Variants in FSTL5 observed in about 807,000 individuals in gnomAD.
The protein encoded by FSTL5 is follistatin-related protein 5.
FSTL5 carries 62 observed loss-of-function variants against 89.1 expected under a neutral mutation model. The ratio of observed to expected loss-of-function variants is 0.70; its 90% CI spans 0.57 to 0.86. The LOEUF is 0.86. Ranked by LOEUF, FSTL5 falls within the 40% of genes least tolerant of loss-of-function variation. The pLI is 0.00. For synonymous variants in FSTL5, 383 were observed against 346.2 expected (o/e 1.11, Z -1.18); for missense variants, 1,057 against 1,001.6 (o/e 1.06, Z -0.75).
intron 2 of FSTL5, among the ~76,000 whole-genome samples, chr4:162,070,233 T>G (rs13145343): frequency 0.24 from 36,446 of 151,772 alleles, 5,094 homozygotes; most frequent in Non-Finnish European, 0.32. Flanking sequence ...TGTTAGATGT[T>G]GCATTGAGTT....
At chr4:161,586,445 T>C (rs1323051944) in intron 8 of FSTL5, among the ~76,000 whole-genome samples, 2 of 152,170 alleles carry the variant, frequency 1.3e-5, no homozygotes, top group Non-Finnish European at 2.9e-5. Context: ...TTCCTTAGCA[T>C]CATTTTTTAA....
intron 1 of FSTL5, among the ~76,000 whole-genome samples, chr4:162,131,503 C>T (rs1177906561): frequency 2.6e-5 from 4 of 152,162 alleles, no homozygotes; most frequent in Non-Finnish European, 1.5e-5. Context: ...TTTCAAATTG[C>T]ATTCACGTTC....
At chr4:161,611,198 G>A (rs1228343155) in intron 7 of FSTL5, among the ~76,000 whole-genome samples, 1 of 138,948 alleles carries the variant, frequency 7.2e-6, no homozygotes. Flanking sequence ...GTGTATATGT[G>A]TATATATATG....
At chr4:161,435,026 A>C (rs901487795) in intron 15 of FSTL5, among the ~76,000 whole-genome samples, 2 of 152,128 alleles carry the variant, frequency 1.3e-5, no homozygotes, top group African/African-American at 4.8e-5. Context: ...TCCCTCAAGA[A>C]AACTAAAAGT....
chr4:161,519,738 C>A (rs976241429), intron 10 of FSTL5, among the ~76,000 whole-genome samples: 1 of 152,046 alleles, frequency 6.6e-6, no homozygotes, highest in Non-Finnish European at 1.5e-5. Context: ...TAAACAGTGA[C>A]ATAATTAAAT....
chr4:161,903,546 A>G (rs948527721), intron 4 of FSTL5, among the ~76,000 whole-genome samples: 9 of 151,974 alleles, frequency 5.9e-5, no homozygotes, highest in South Asian at 2.1e-4. Flanking sequence ...TTTTAAAACT[A>G]TTATAGTCTC....
At position 161,871,349 on chromosome 4, in the gene FSTL5, G is replaced by A. The variant is rs146471395; in HGVS notation, c.409+49055C>T. ...CATACTTAAAATTTTCAAGATTAGAGATAGTTTTTGAGTCTGTTTTGTAGA... is the reference window on the plus strand; with the variant it reads ...CATACTTAAAATTTTCAAGATTAGAAATAGTTTTTGAGTCTGTTTTGTAGA... On this transcript the variant is annotated intron_variant, in intron 4 of 15. Coordinates refer to ENST00000306100, the MANE Select transcript of FSTL5 (RefSeq NM_020116.5). Among the ~76,000 whole-genome samples the A allele has an allele frequency of 5.1e-3, 773 of 152,134 alleles. 8 individuals carry two copies. The highest frequency in any genetic ancestry group is 0.017 in the African/African-American group (717 of 41,536).
chr4:161,757,638 A>G (rs1740623809), intron 6 of FSTL5, among the ~76,000 whole-genome samples: 1 of 151,880 alleles, frequency 6.6e-6, no homozygotes, highest in Admixed American at 6.6e-5. Flanking sequence ...TATTTTTTGG[A>G]GACAGAGTCT....
chr4:161,951,003 G>A (rs1464586298), intron 3 of FSTL5, among the ~76,000 whole-genome samples: 1 of 152,036 alleles, frequency 6.6e-6, no homozygotes, highest in African/African-American at 2.4e-5. Context: ...CACATGTTGT[G>A]GAAGGGACCC....
chr4:161,837,165 A>G (rs560518502), intron 4 of FSTL5, among the ~76,000 whole-genome samples: 57 of 152,310 alleles, frequency 3.7e-4, no homozygotes, highest in African/African-American at 1.3e-3. Context: ...GAACATCAAC[A>G]GAAGTGAAGT....
At chr4:161,797,313 T>A (rs887919698) in intron 4 of FSTL5, among the ~76,000 whole-genome samples, 4 of 151,764 alleles carry the variant, frequency 2.6e-5, no homozygotes, top group South Asian at 2.1e-4. Flanking sequence ...AGAAAGAATA[T>A]TGAAGATTCA....
At chr4:162,098,488 T>C (rs1283658773) in intron 2 of FSTL5, among the ~76,000 whole-genome samples, 4 of 151,972 alleles carry the variant, frequency 2.6e-5, no homozygotes, top group African/African-American at 4.8e-5. Context: ...TAAAAAATAT[T>C]GGGATGCAAT....
intron 3 of FSTL5, among the ~76,000 whole-genome samples, chr4:161,993,958 T>C (rs933840005): frequency 4.6e-5 from 7 of 152,102 alleles, no homozygotes; most frequent in Admixed American, 2.0e-4. Flanking sequence ...GATAAACGTG[T>C]CATGGGGGTT....
chr4:161,728,517 A>AT (rs2126759755), intron 6 of FSTL5, among the ~76,000 whole-genome samples: 1 of 152,260 alleles, frequency 6.6e-6, no homozygotes, highest in South Asian at 2.1e-4. Flanking sequence ...ATGTTGATTT[A>AT]TTTTGAGCTA....
At chr4:161,938,524 T>C (rs1282612615) in intron 3 of FSTL5, among the ~76,000 whole-genome samples, 1 of 152,050 alleles carries the variant, frequency 6.6e-6, no homozygotes, top group Admixed American at 6.6e-5. Flanking sequence ...TGAGAAATAT[T>C]ACGCAAAAAA....
chr4:161,416,150 C>A (rs1267091962), intron 15 of FSTL5, among the ~76,000 whole-genome samples: 2 of 151,936 alleles, frequency 1.3e-5, no homozygotes, highest in Non-Finnish European at 2.9e-5. Context: ...CGTTATTATC[C>A]CAAGAGAAAA....
intron 6 of FSTL5, among the ~76,000 whole-genome samples, chr4:161,741,698 T>TA (rs34052963): frequency 0.51 from 74,174 of 144,996 alleles, 22,453 homozygotes; most frequent in Non-Finnish European, 0.68. Context: ...TTTTTTTTTT[T>TA]TTTTTTGGAG....
intron 8 of FSTL5, 55 bp from the exon 9 acceptor site, chr4:161,542,748 T>C: frequency 1.6e-6 from 2 of 1,240,998 alleles, no homozygotes; most frequent in African/African-American, 3.1e-5. Context: ...TTCTATTTAA[T>C]TTTCCAAAAG....
At chr4:162,091,349 A>G (rs901475966) in intron 2 of FSTL5, among the ~76,000 whole-genome samples, 1 of 152,124 alleles carries the variant, frequency 6.6e-6, no homozygotes, top group African/African-American at 2.4e-5. Context: ...GAGGTTTTAA[A>G]TATCTAAACC....
Sources: allele counts gnomAD v4.1 joint callset (sites outside exome capture counted in the v4.1 genomes callset), GRCh38; gene constraint gnomAD v4.1.1; transcripts MANE v1.5; gene names NCBI Gene and HGNC (gene_info 2026-07-23, HGNC 2026-07-21).